ABLIM1: variants seen among roughly 807,000 people sequenced by gnomAD.
ABLIM1 encodes actin-binding LIM protein 1.
In ABLIM1, 40 loss-of-function variants were observed where a neutral mutation model predicts 107.0. That is an observed-to-expected ratio of 0.37 (90% confidence interval 0.29 to 0.49). ABLIM1 has a LOEUF of 0.49. Ranked by LOEUF, ABLIM1 falls within the 20% of genes least tolerant of loss-of-function variation. The pLI is 0.97. For missense variants in ABLIM1, 857 were observed against 1,008.5 expected (o/e 0.85, Z 2.04); for synonymous variants, 357 against 357.3 (o/e 1.00, Z 0.01).
intron 1 of ABLIM1, among the ~76,000 whole-genome samples, chr10:114,617,890 G>C (rs1037555313): frequency 1.3e-5 from 2 of 152,138 alleles, no homozygotes; most frequent in African/African-American, 4.8e-5. Flanking sequence ...AAGGCAGTAG[G>C]ATCGCTTGAG....
intron 2 of ABLIM1, among the ~76,000 whole-genome samples, chr10:114,597,849 C>T (rs765401465): frequency 3.3e-5 from 5 of 152,212 alleles, no homozygotes; most frequent in African/African-American, 4.8e-5. Context: ...CAGGAGGAGA[C>T]GAAGACTTTG....
chr10:114,484,991 AGCT>A (rs542999178), intron 8 of ABLIM1, among the ~76,000 whole-genome samples: 6 of 152,262 alleles, frequency 3.9e-5, no homozygotes, highest in Non-Finnish European at 7.3e-5. Flanking sequence ...CATCCAGCCC[AGCT>A]CTATACCTGG....
upstream of ABLIM1, among the ~76,000 whole-genome samples, chr10:114,769,416 AAAGAAGGAAAGAAAG>A (rs1335979742): frequency 7.1e-5 from 1 of 14,076 alleles, no homozygotes; most frequent in African/African-American, 2.6e-4. Flanking sequence ...GAAAGAAAGA[AAAGAAGGAAAGAAAG>A]AAAGAAAGAA....
intron 1 of ABLIM1, among the ~76,000 whole-genome samples, chr10:114,694,917 G>T (rs2081164272): frequency 6.6e-6 from 1 of 152,148 alleles, no homozygotes; most frequent in Admixed American, 6.6e-5. Context: ...CCGCAGCAGC[G>T]CCCTCACCTG....
chr10:114,526,711 A>C, intron 6 of ABLIM1: 1 of 985,568 alleles, frequency 1.0e-6, no homozygotes, highest in Non-Finnish European at 1.2e-6. Context: ...TGTGCTGAGC[A>C]GAGAACTCCT....
chr10:114,627,626 T>A (rs1449642067), intron 1 of ABLIM1, among the ~76,000 whole-genome samples: 1 of 152,174 alleles, frequency 6.6e-6, no homozygotes. Flanking sequence ...AGCTAGAACA[T>A]CTCTGTAGAC....
chr10:114,683,364 A>T (rs978193152), intron 1 of ABLIM1, among the ~76,000 whole-genome samples: 1 of 152,244 alleles, frequency 6.6e-6, no homozygotes. Context: ...TTTCAAAATC[A>T]TGCTCATTTA....
intron 2 of ABLIM1, among the ~76,000 whole-genome samples, chr10:114,596,150 C>G (rs1843411011): frequency 6.6e-6 from 1 of 152,188 alleles, no homozygotes; most frequent in African/African-American, 2.4e-5. Context: ...CTTAAATCTT[C>G]TATTTTCTAT....
intron 1 of ABLIM1, among the ~76,000 whole-genome samples, chr10:114,736,382 A>G (rs1431657312): frequency 6.6e-6 from 1 of 152,228 alleles, no homozygotes; most frequent in African/African-American, 2.4e-5. Context: ...GGGACAAAGA[A>G]TTAGATGAGT....
Position 114,477,874 on chromosome 10 carries a change from G to T in ABLIM1, c.1042-3918C>A, listed in dbSNP as rs537787602. Among the ~76,000 whole-genome samples the T allele has an allele frequency of 4.6e-5, 7 of 152,232 alleles. No individual in the cohort carries two copies. The East Asian group carries it at 1.2e-3, about 25-fold the overall frequency. ...CAAGTAGCTGGGACTACGGGGACTT[G>T]CCACCCACCCAGCTAATTTTTGTAT... On this transcript the variant is annotated intron_variant, in intron 8 of 22. Transcript: ENST00000533213.
intron 1 of ABLIM1, among the ~76,000 whole-genome samples, chr10:114,743,924 G>A (rs2082333507): frequency 2.0e-5 from 3 of 152,206 alleles, no homozygotes; most frequent in Admixed American, 6.5e-5. Flanking sequence ...TAAAGCACAC[G>A]TAGGGCTTCC....
rs578241133 is a variant in ABLIM1 at position 114,485,714 on chromosome 10, C to G, written c.1041+2244G>C. Among the ~76,000 whole-genome samples, 16 of 152,278 alleles carry G rather than the reference C, an allele frequency of 1.1e-4. No homozygotes were observed. In the East Asian group the frequency reaches 3.1e-3, roughly 29 times the overall value. Reference sequence around the variant, plus strand: ...AGCCATCCTTGAGAATCTGTTGTTACAAATGCCCCATGAGTTCTTAAATAT... The same window carrying G: ...AGCCATCCTTGAGAATCTGTTGTTAGAAATGCCCCATGAGTTCTTAAATAT... On this transcript the variant is annotated intron_variant, in intron 8 of 22. Transcript: ENST00000533213.
At chr10:114,718,047 A>AAGAAAG (rs1555227703) in intron 1 of ABLIM1, among the ~76,000 whole-genome samples, 1 of 95,542 alleles carries the variant, frequency 1.0e-5, no homozygotes, top group Non-Finnish European at 2.2e-5. Flanking sequence ...GAGAAAGAGA[A>AAGAAAG]AGAAAGAAAG....
At position 114,433,472 on chromosome 10, in the gene ABLIM1, G is replaced by A. The variant is rs1362458082; in HGVS notation, c.*2788C>T. On this transcript the variant is annotated 3_prime_UTR_variant, in exon 23 of 23. Coordinates refer to ENST00000533213, the MANE Select transcript of ABLIM1 (RefSeq NM_002313.7). ...TTTCCAATGACCCCTCCCCAGAGCA[G>A]AGCACTACTCTGCTTGCAGATAGGA... 1 of 152,250 alleles carries A rather than the reference G, an allele frequency of 6.6e-6. No homozygotes were observed. The highest frequency in any genetic ancestry group is 1.5e-5 in the Non-Finnish European group (1 of 68,052). 9.4% of individuals were successfully genotyped at this position (152,250 alleles called of 1,614,324 possible). A position where few individuals can be genotyped will look rare whatever the true frequency, so the allele number is the denominator to read the frequency against.
chr10:114,568,196 C>CAAAAAAAAAAAAAAAAA (rs34861242), intron 4 of ABLIM1, among the ~76,000 whole-genome samples: 1 of 52,392 alleles, frequency 1.9e-5, no homozygotes, highest in African/African-American at 7.2e-5. Flanking sequence ...GACTCCGTCT[C>CAAAAAAAAAAAAAAAAA]AAAAAAAAAA....
chr10:114,492,068 C>T (rs2059076931), intron 6 of ABLIM1, among the ~76,000 whole-genome samples, 190 bp from the exon 7 acceptor site: 1 of 151,840 alleles, frequency 6.6e-6, no homozygotes, highest in Non-Finnish European at 1.5e-5. Context: ...GGAGGGGCTC[C>T]AAGGCCAGCT....
At chr10:114,469,051 C>CAAAAAAAAAAAAAAAAA (rs71473043) in intron 10 of ABLIM1, among the ~76,000 whole-genome samples, 3 of 75,338 alleles carry the variant, frequency 4.0e-5, no homozygotes, top group African/African-American at 5.4e-5. Flanking sequence ...GACTCTGTCT[C>CAAAAAAAAAAAAAAAAA]AAAAAAAAAA....
chr10:114,632,107 G>T (rs980748531), intron 1 of ABLIM1: 2 of 984,994 alleles, frequency 2.0e-6, no homozygotes, highest in South Asian at 4.7e-5. Flanking sequence ...TCCCATGCCC[G>T]CCCCGCTATC....
intron 6 of ABLIM1, among the ~76,000 whole-genome samples, chr10:114,542,476 A>G (rs1412361780): frequency 6.6e-6 from 1 of 151,420 alleles, no homozygotes; most frequent in Non-Finnish European, 1.5e-5. Context: ...ATGATGAAGA[A>G]GGAAGAAAGA....
Sources: gnomAD v4.1 joint callset for allele counts (sites outside exome capture counted in the v4.1 genomes callset) on GRCh38, gnomAD v4.1.1 for gene constraint, MANE v1.5 for transcripts, NCBI Gene and HGNC (gene_info 2026-07-23, HGNC 2026-07-21) for gene names.